The following RHOBTB3 variants were observed in gnomAD, a reference collection of about 807,000 sequenced individuals.
The protein encoded by RHOBTB3 is Rho related BTB domain containing 3, also known as rho-related BTB domain-containing protein 3.
In RHOBTB3, 47 loss-of-function variants were observed where a neutral mutation model predicts 67.2. That is an observed-to-expected ratio of 0.70 (90% CI 0.55 to 0.89). The LOEUF (loss-of-function observed/expected upper bound fraction) is 0.89. Among genes scored for constraint, RHOBTB3 ranks in the 40% least tolerant of loss-of-function variants. RHOBTB3 has a pLI of 0.00. For synonymous variants in RHOBTB3, 273 were observed against 274.2 expected, an observed-to-expected ratio of 1.00 and a Z score of 0.04; for missense variants, 631 against 750.0, an observed-to-expected ratio of 0.84 and a Z score of 1.85.
At chr5:95,782,809 C>CAAAA (rs5869692) in intron 9 of RHOBTB3, 30 of 99,150 alleles carry the variant, frequency 3.0e-4, no homozygotes, top group Non-Finnish European at 4.9e-4. Context: ...GACTCCATCT[C>CAAAA]AAAAAAAAAA....
At chr5:95,738,089 G>T in intron 3 of RHOBTB3, among the ~76,000 whole-genome samples, 1 of 152,222 alleles carries the variant, frequency 6.6e-6, no homozygotes, top group East Asian at 1.9e-4. Flanking sequence ...TTAGTCCATT[G>T]TATGAATATG....
At chr5:95,765,109 C>T (rs1745505402) in intron 7 of RHOBTB3, among the ~76,000 whole-genome samples, 1 of 152,088 alleles carries the variant, frequency 6.6e-6, no homozygotes, top group Admixed American at 6.5e-5. Context: ...CTTCTGCTCT[C>T]CCATTTTTTT....
At chr5:95,755,146 TTG>T (rs1445655833) in intron 5 of RHOBTB3, among the ~76,000 whole-genome samples, 2 of 152,148 alleles carry the variant, frequency 1.3e-5, no homozygotes, top group East Asian at 3.8e-4. Context: ...AACATAGTAT[TTG>T]TGTGTCTGTG....
At chr5:95,743,268 A>T (rs1466025598) in intron 3 of RHOBTB3, among the ~76,000 whole-genome samples, 2 of 152,008 alleles carry the variant, frequency 1.3e-5, no homozygotes, top group African/African-American at 4.8e-5. Flanking sequence ...TTTGCAGTTG[A>T]CTTTCCTTGT....
intron 9 of RHOBTB3, among the ~76,000 whole-genome samples, chr5:95,780,879 T>C (rs971131803): frequency 9.2e-5 from 14 of 152,186 alleles, no homozygotes; most frequent in Admixed American, 7.9e-4. Context: ...ACTTTTTTGG[T>C]CTTCCTTCTG....
chr5:95,786,343 A>C (rs946369582), intron 10 of RHOBTB3, among the ~76,000 whole-genome samples: 2 of 152,198 alleles, frequency 1.3e-5, no homozygotes, highest in Non-Finnish European at 2.9e-5. Flanking sequence ...AAATTTCTGA[A>C]CACTCTGCCA....
At chr5:95,750,946 C>T (rs981520806) in intron 4 of RHOBTB3, among the ~76,000 whole-genome samples, 2 of 152,200 alleles carry the variant, frequency 1.3e-5, no homozygotes, top group African/African-American at 4.8e-5. Flanking sequence ...ATAAATCTTG[C>T]CTGCCAGGCT....
rs1176619702 is a variant in RHOBTB3, at chr5:95,795,940, G to A, written c.*2766G>A. The A allele has an allele frequency of 6.6e-6, 1 of 151,930 alleles. No individual in the cohort carries two copies. The highest frequency in any genetic ancestry group is 2.0e-4 in the East Asian group (1 of 5,116). The allele number at this position is 151,930 out of a possible 1,614,324, so 9.4% of individuals were successfully genotyped here. A position where few individuals can be genotyped will look rare whatever the true frequency, so the allele number is the denominator to read the frequency against. ...GTAGAACTAAGGCCTTTCCTTTCTT[G>A]GCCAAAGTCTTTACCCTATTTAACC... On this transcript the variant is annotated 3_prime_UTR_variant, in exon 12 of 12. Transcript: ENST00000379982.
At chr5:95,741,380 C>T (rs1206196665) in intron 3 of RHOBTB3, among the ~76,000 whole-genome samples, 1 of 150,928 alleles carries the variant, frequency 6.6e-6, no homozygotes, top group Non-Finnish European at 1.5e-5. Flanking sequence ...ATTTTCATTT[C>T]CCCGGTTGTT....
intron 3 of RHOBTB3, among the ~76,000 whole-genome samples, chr5:95,745,415 A>G (rs954791418): frequency 2.0e-5 from 3 of 152,084 alleles, no homozygotes; most frequent in Non-Finnish European, 2.9e-5. Context: ...ATTTTTTTTC[A>G]GAATGTGCTT....
At chr5:95,727,144 AT>A (rs796132102), upstream of RHOBTB3, among the ~76,000 whole-genome samples, 1 of 152,120 alleles carries the variant, frequency 6.6e-6, no homozygotes, top group Non-Finnish European at 1.5e-5. Flanking sequence ...AAACTTTAAT[AT>A]TTTTTTAAAA....
intron 1 of RHOBTB3, among the ~76,000 whole-genome samples, chr5:95,721,683 C>T (rs1230049472): frequency 2.2e-5 from 3 of 134,402 alleles, no homozygotes; most frequent in African/African-American, 8.3e-5. Flanking sequence ...TCTGATTCTA[C>T]TGAGAGCATT....
At chr5:95,746,953 C>T (rs991323403) in intron 3 of RHOBTB3, among the ~76,000 whole-genome samples, 2 of 152,200 alleles carry the variant, frequency 1.3e-5, no homozygotes, top group Admixed American at 1.3e-4. Context: ...TATATCTGCT[C>T]CATCTGTATG....
Position 95,748,337 on chromosome 5 carries a change from G to A in RHOBTB3, c.420G>A (p.Glu140=). The A allele has an allele frequency of 6.3e-7, 1 of 1,591,446 alleles. No individual in the cohort carries two copies. Among genetic ancestry groups the A allele is most frequent in the Non-Finnish European group, 8.5e-7 (1 of 1,170,770 alleles). Residue 140 remains glutamate, a synonymous_variant, in exon 4 of 12, where the codon GAG becomes GAA. Coordinates refer to ENST00000379982, the MANE Select transcript of RHOBTB3 (RefSeq NM_014899.4). The part of the protein sequence containing the change: ...IAAVGTRQNE[E]LPCTCPLCTS... ...TTTTAAAATTTGTTTTCTCAGAAGAGTTACCTTGTACATGCCCACTATGTA... is the reference window on the plus strand; with the variant it reads ...TTTTAAAATTTGTTTTCTCAGAAGAATTACCTTGTACATGCCCACTATGTA...
Position 95,793,722 on chromosome 5 carries a change from C to A in RHOBTB3, c.*548C>A. On this transcript the variant is annotated 3_prime_UTR_variant, in exon 12 of 12. Coordinates refer to ENST00000379982, the MANE Select transcript of RHOBTB3 (RefSeq NM_014899.4). ...TGTTTGAATCATCATAAAAAAAATACCTGCTTTTCATCTGGACAACCCAAT... is the reference window on the plus strand; with the variant it reads ...TGTTTGAATCATCATAAAAAAAATAACTGCTTTTCATCTGGACAACCCAAT... 4.6e-6 allele frequency: 1 copy of A among 218,384 alleles called. No homozygotes were observed. Among genetic ancestry groups the A allele is most frequent in the Non-Finnish European group, 9.4e-6 (1 of 106,392 alleles). 13.5% of individuals were successfully genotyped at this position (218,384 alleles called of 1,614,324 possible).
chr5:95,729,192 C>T (rs1279536509), upstream of RHOBTB3, among the ~76,000 whole-genome samples: 1 of 152,206 alleles, frequency 6.6e-6, no homozygotes, highest in Non-Finnish European at 1.5e-5. Flanking sequence ...AATAAACTGG[C>T]TTTCACTTTA....
At chr5:95,746,091 G>C (rs1288950166) in intron 3 of RHOBTB3, among the ~76,000 whole-genome samples, 1 of 152,050 alleles carries the variant, frequency 6.6e-6, no homozygotes, top group African/African-American at 2.4e-5. Flanking sequence ...TCTGGTGAGT[G>C]AACAAAAACA....
chr5:95,748,105 A>G (rs778623390), intron 3 of RHOBTB3, among the ~76,000 whole-genome samples: 15 of 151,846 alleles, frequency 9.9e-5, no homozygotes, highest in Middle Eastern at 3.4e-3. Flanking sequence ...CTACTTTTAA[A>G]TTTTTCTATT....
chr5:95,794,409 C>G lies in RHOBTB3; in HGVS notation c.*1235C>G. On this transcript the variant is annotated 3_prime_UTR_variant, in exon 12 of 12. Transcript: ENST00000379982. ...TGGCTTAAATTCTTTGAATTCTTTT[C>G]AAGGACTGCAAGATTATTTGATAAA... The G allele has an allele frequency of 1.2e-5, 2 of 171,158 alleles. No individual in the cohort carries two copies. Among genetic ancestry groups the G allele is most frequent in the South Asian group, 2.7e-4 (2 of 7,410 alleles). 10.6% of individuals were successfully genotyped at this position (171,158 alleles called of 1,614,324 possible). A position where few individuals can be genotyped will look rare whatever the true frequency, so the allele number is the denominator to read the frequency against.
Sources: gnomAD v4.1 joint callset for allele counts (sites outside exome capture counted in the v4.1 genomes callset) on GRCh38, gnomAD v4.1.1 for gene constraint, MANE v1.5 for transcripts, NCBI Gene and HGNC (gene_info 2026-07-23, HGNC 2026-07-21) for gene names.